The following ADIPOR2 variants were observed in gnomAD, a reference collection of about 807,000 sequenced individuals.
The protein encoded by ADIPOR2 is adiponectin receptor 2.
ADIPOR2 carries 18 observed loss-of-function variants against 40.9 expected under a neutral mutation model. The observed-to-expected ratio is 0.44, with a 90% CI of 0.30 to 0.65. The LOEUF is 0.65. Ranked by LOEUF, ADIPOR2 falls within the 30% of genes least tolerant of loss-of-function variation. The pLI is 0.09. For synonymous variants in ADIPOR2, 165 were observed against 166.4 expected (o/e 0.99, Z 0.06); for missense variants, 283 against 479.2 (o/e 0.59, Z 3.82).
At chr12:1,781,876 C>T (rs1862726925) in intron 6 of ADIPOR2, among the ~76,000 whole-genome samples, 1 of 152,170 alleles carries the variant, frequency 6.6e-6, no homozygotes, top group South Asian at 2.1e-4. Flanking sequence ...AACACTCTGC[C>T]GTCCTCCTTT....
chr12:1,773,304 C>G (rs139857829), intron 3 of ADIPOR2, among the ~76,000 whole-genome samples: 1 of 152,328 alleles, frequency 6.6e-6, no homozygotes, highest in African/African-American at 2.4e-5. Context: ...AAAATGCCCT[C>G]CGCAGGTCCC....
chr12:1,692,437 C>A (rs1700288217), intron 1 of ADIPOR2, among the ~76,000 whole-genome samples: 1 of 152,212 alleles, frequency 6.6e-6, no homozygotes, highest in African/African-American at 2.4e-5. Context: ...AAGATTTCCA[C>A]ACATGTGGCA....
chr12:1,773,410 G>T (rs1387150628), intron 3 of ADIPOR2, among the ~76,000 whole-genome samples: 2 of 151,638 alleles, frequency 1.3e-5, no homozygotes, highest in Non-Finnish European at 2.9e-5. Context: ...AGATTTTCCA[G>T]TTTCCATGTA....
rs977917933 is a variant in ADIPOR2 at position 1,786,125 on chromosome 12, C to G, written c.*53C>G. 4.4e-5 allele frequency: 70 copies of G among 1,582,680 alleles called. No homozygotes were observed. The highest frequency in any genetic ancestry group is 5.3e-5 in the Non-Finnish European group (62 of 1,166,030). On this transcript the variant is annotated 3_prime_UTR_variant, in exon 8 of 8. Transcript: ENST00000357103. ...CCTAAACCAGGGCCTGCGGCACTTG[C>G]GGGCCTCCCTGCTGGCTACTGATGC...
chr12:1,738,982 C>T (rs1034635782), intron 1 of ADIPOR2, among the ~76,000 whole-genome samples: 8 of 152,086 alleles, frequency 5.3e-5, no homozygotes, highest in African/African-American at 1.9e-4. Context: ...TTATATTCAG[C>T]AAAATTTCTT....
intron 1 of ADIPOR2, among the ~76,000 whole-genome samples, chr12:1,738,562 C>T (rs2094736103): frequency 6.6e-6 from 1 of 152,038 alleles, no homozygotes; most frequent in South Asian, 2.1e-4. Flanking sequence ...ATTCCAGAGC[C>T]TAAAATAATA....
intron 2 of ADIPOR2, among the ~76,000 whole-genome samples, chr12:1,764,395 A>G (rs1318446755): frequency 6.6e-6 from 1 of 152,126 alleles, no homozygotes; most frequent in Non-Finnish European, 1.5e-5. Context: ...GTGGACTAGT[A>G]AATAATTTTG....
chr12:1,754,858 G>A (rs1418814285), intron 2 of ADIPOR2, among the ~76,000 whole-genome samples: 1 of 57,520 alleles, frequency 1.7e-5, no homozygotes, highest in African/African-American at 3.5e-5. Context: ...TCGACTACAG[G>A]TACATGCCAC....
At chr12:1,758,917 A>G (rs1185158637) in intron 2 of ADIPOR2, among the ~76,000 whole-genome samples, 2 of 152,240 alleles carry the variant, frequency 1.3e-5, no homozygotes, top group Non-Finnish European at 2.9e-5. Flanking sequence ...AAGTAGACGA[A>G]AATAGGATTT....
chr12:1,723,356 A>G, intron 1 of ADIPOR2, among the ~76,000 whole-genome samples: 1 of 151,994 alleles, frequency 6.6e-6, no homozygotes, highest in Non-Finnish European at 1.5e-5. Context: ...AGGGCTGGGC[A>G]CAGTGGCTCA....
At chr12:1,719,662 GT>G (rs200999614) in intron 1 of ADIPOR2, among the ~76,000 whole-genome samples, 2 of 150,342 alleles carry the variant, frequency 1.3e-5, no homozygotes, top group Non-Finnish European at 3.0e-5. Flanking sequence ...CTCAGCAGAA[GT>G]TTTTTTTTGT....
At chr12:1,702,461 A>G (rs541447893) in intron 1 of ADIPOR2, among the ~76,000 whole-genome samples, 7 of 152,152 alleles carry the variant, frequency 4.6e-5, no homozygotes, top group Non-Finnish European at 8.8e-5. Flanking sequence ...GATTAATGGC[A>G]TTGTCAGATT....
intron 1 of ADIPOR2, among the ~76,000 whole-genome samples, chr12:1,723,759 C>CTTTG (rs1362916379): frequency 6.6e-6 from 1 of 152,110 alleles, no homozygotes; most frequent in African/African-American, 2.4e-5. Flanking sequence ...CCGTGGAAAA[C>CTTTG]AGTAACGTGA....
intron 1 of ADIPOR2, among the ~76,000 whole-genome samples, chr12:1,735,665 T>C (rs1476427982): frequency 6.6e-6 from 1 of 152,254 alleles, no homozygotes; most frequent in African/African-American, 2.4e-5. Context: ...GGCATCCCTG[T>C]CTTATGCCAG....
chr12:1,760,748 C>T (rs543706291), intron 2 of ADIPOR2: 1 of 152,224 alleles, frequency 6.6e-6, no homozygotes, highest in East Asian at 1.9e-4. Flanking sequence ...TTTCAGTTAC[C>T]CATGGGTCAA....
chr12:1,725,231 C>G (rs2094705576), intron 1 of ADIPOR2, among the ~76,000 whole-genome samples: 2 of 151,946 alleles, frequency 1.3e-5, no homozygotes, highest in Admixed American at 1.3e-4. Context: ...AAGTGATTCT[C>G]CTGCCTCAGT....
intron 1 of ADIPOR2, among the ~76,000 whole-genome samples, chr12:1,738,690 T>C (rs2094736388): frequency 1.3e-5 from 2 of 152,204 alleles, no homozygotes; most frequent in Non-Finnish European, 2.9e-5. Context: ...GGATGAACTT[T>C]TCCACTCAAA....
intron 1 of ADIPOR2, chr12:1,731,157 C>G (rs1223474443): frequency 6.6e-6 from 1 of 152,066 alleles, no homozygotes; most frequent in Non-Finnish European, 1.5e-5. Flanking sequence ...AACTCCTGGG[C>G]TCAAGCGATC....
At position 1,729,617 on chromosome 12, in the gene ADIPOR2, GTTTTTTTTTTTTTT is replaced by G. The variant is rs56921758; in HGVS notation, c.-86-24630_-86-24617del. Among the ~76,000 whole-genome samples the G allele has an allele frequency of 2.8e-3, 248 of 89,012 alleles. 1 individual carries two copies. The highest frequency in any genetic ancestry group is 3.1e-3 in the Non-Finnish European group (142 of 45,904). 58.4% of individuals were successfully genotyped at this position (89,012 alleles called of 152,430 possible). ...CATGAGCCAATGAGCTCAGCCAGTT[GTTTTTTTTTTTTTT>G]TTTTTTTTTTGAGTGTTTTTTTTTG... is the stretch of plus-strand genomic sequence containing the variant. On this transcript the variant is annotated intron_variant, in intron 1 of 7. Coordinates refer to ENST00000357103, the MANE Select transcript of ADIPOR2 (RefSeq NM_024551.3).
Sources: gnomAD v4.1 joint callset for allele counts (sites outside exome capture counted in the v4.1 genomes callset) on GRCh38, gnomAD v4.1.1 for gene constraint, MANE v1.5 for transcripts, NCBI Gene and HGNC (gene_info 2026-07-23, HGNC 2026-07-21) for gene names.